CBR4: variants seen among roughly 807,000 people sequenced by gnomAD.
CBR4 encodes the protein carbonyl reductase 4.
CBR4 carries 22 observed loss-of-function variants against 21.0 expected under a neutral mutation model. The observed-to-expected ratio is 1.05, with a 90% CI of 0.75 to 1.50. CBR4 has a LOEUF of 1.50. Ranked by LOEUF, CBR4 falls within the 40% of genes most tolerant of loss-of-function variation. CBR4 has a pLI of 0.00. For synonymous variants in CBR4, 100 were observed against 104.4 expected (o/e 0.96, Z 0.26); for missense variants, 302 against 286.3 (o/e 1.05, Z -0.40).
intron 2 of CBR4, among the ~76,000 whole-genome samples, chr4:168,967,831 C>T (rs1004025847): frequency 2.0e-5 from 3 of 152,130 alleles, no homozygotes; most frequent in South Asian, 2.1e-4. Flanking sequence ...TAATAATAGA[C>T]ACATTTCAAA....
At chr4:168,951,448 T>C (rs1360719326) in intron 2 of CBR4, among the ~76,000 whole-genome samples, 3 of 152,240 alleles carry the variant, frequency 2.0e-5, no homozygotes, top group South Asian at 2.1e-4. Context: ...ATGCTATTTG[T>C]TGCCTGTGTA....
chr4:168,973,258 C>T (rs1764265020), intron 2 of CBR4, among the ~76,000 whole-genome samples: 1 of 151,972 alleles, frequency 6.6e-6, no homozygotes, highest in African/African-American at 2.4e-5. Context: ...ATGTTCCTTC[C>T]TAGTTTTGGT....
intron 2 of CBR4, chr4:168,904,097 C>T: frequency 1.6e-6 from 1 of 610,628 alleles, no homozygotes; most frequent in East Asian, 2.9e-5. Flanking sequence ...TTATTTATTC[C>T]ATCAGGTGTT....
chr4:168,898,438 G>C, intron 2 of CBR4: 2 of 1,124,650 alleles, frequency 1.8e-6, no homozygotes, highest in Non-Finnish European at 2.7e-6. Context: ...AGGGAGAGAC[G>C]TGACACTTTG....
At chr4:168,895,490 A>G (rs1754922980) in intron 2 of CBR4, among the ~76,000 whole-genome samples, 1 of 152,256 alleles carries the variant, frequency 6.6e-6, no homozygotes, top group South Asian at 2.1e-4. Context: ...GTTGATTAAC[A>G]CGTATTCTGT....
At chr4:168,919,027 A>G (rs1420783960) in intron 2 of CBR4, among the ~76,000 whole-genome samples, 1 of 152,158 alleles carries the variant, frequency 6.6e-6, no homozygotes, top group Non-Finnish European at 1.5e-5. Context: ...AAAAAATAAG[A>G]GAGTGACTAA....
intron 2 of CBR4, among the ~76,000 whole-genome samples, chr4:168,936,780 C>T (rs146711083): frequency 1.5e-4 from 23 of 152,142 alleles, no homozygotes; most frequent in African/African-American, 5.1e-4. Flanking sequence ...AATTAGGGAA[C>T]TAATGTGAAA....
In CBR4 at chr4:168,988,390, T is replaced by C; in HGVS notation, c.*1760A>G. 3 of 985,478 alleles carry C rather than the reference T, an allele frequency of 3.0e-6. No individual in the cohort carries two copies. The highest frequency in any genetic ancestry group is 3.6e-6 in the Non-Finnish European group (3 of 829,946). The allele number at this position is 985,478 out of a possible 1,614,324, so 61.0% of individuals were successfully genotyped here. A position where few individuals can be genotyped will look rare whatever the true frequency, so the allele number is the denominator to read the frequency against. On this transcript the variant is annotated 3_prime_UTR_variant, in exon 5 of 5. Coordinates refer to ENST00000306193, the MANE Select transcript of CBR4 (RefSeq NM_032783.5). ...TTAATGTCAGCAAAACATACTGCTT[T>C]CTACCCAAATCACCAATTGAATCAG...
At chr4:168,972,985 A>C (rs1764257407) in intron 2 of CBR4, among the ~76,000 whole-genome samples, 1 of 152,222 alleles carries the variant, frequency 6.6e-6, no homozygotes, top group Non-Finnish European at 1.5e-5. Flanking sequence ...TTACTCATAA[A>C]AAGCTGCTGG....
At chr4:168,911,792 T>C (rs777066089) in intron 2 of CBR4, among the ~76,000 whole-genome samples, 34 of 152,246 alleles carry the variant, frequency 2.2e-4, no homozygotes, top group Non-Finnish European at 4.7e-4. Flanking sequence ...TCCTTCATAA[T>C]GTTAGACTTC....
chr4:168,908,629 A>G (rs1758300787), intron 2 of CBR4, among the ~76,000 whole-genome samples: 2 of 152,310 alleles, frequency 1.3e-5, no homozygotes, highest in African/African-American at 2.4e-5. Flanking sequence ...TTGAAATTTT[A>G]AAGTTATTTG....
intron 2 of CBR4, among the ~76,000 whole-genome samples, chr4:168,931,357 A>G (rs956265082): frequency 6.6e-6 from 1 of 152,104 alleles, no homozygotes; most frequent in African/African-American, 2.4e-5. Context: ...GAAACAGTCC[A>G]GTGGGCCCAA....
At chr4:168,907,461 A>T (rs1188738945) in intron 2 of CBR4, among the ~76,000 whole-genome samples, 1 of 152,204 alleles carries the variant, frequency 6.6e-6, no homozygotes, top group Admixed American at 6.5e-5. Flanking sequence ...CTTAGGCAGC[A>T]GATGTGGCTG....
intron 2 of CBR4, among the ~76,000 whole-genome samples, chr4:168,972,361 T>A (rs957498141): frequency 1.8e-4 from 27 of 152,346 alleles, no homozygotes; most frequent in Middle Eastern, 6.8e-3. Flanking sequence ...ACTTATAGAT[T>A]GCTTTTGGCA....
intron 2 of CBR4, among the ~76,000 whole-genome samples, chr4:168,982,290 T>G (rs1000919710): frequency 6.6e-6 from 1 of 151,964 alleles, no homozygotes; most frequent in Non-Finnish European, 1.5e-5. Flanking sequence ...AAAACCAACT[T>G]TAAACCAACA....
At chr4:168,973,689 T>C (rs1186310438) in intron 2 of CBR4, among the ~76,000 whole-genome samples, 1 of 152,234 alleles carries the variant, frequency 6.6e-6, no homozygotes, top group Non-Finnish European at 1.5e-5. Flanking sequence ...TAGCCTTTCA[T>C]TGTTGGCGAT....
intron 2 of CBR4, among the ~76,000 whole-genome samples, chr4:168,904,806 A>G: frequency 6.6e-6 from 1 of 152,310 alleles, no homozygotes; most frequent in East Asian, 1.9e-4. Context: ...CTATATAAAT[A>G]ATTTTAATGA....
rs533997491 is a variant in CBR4 at position 169,004,849 on chromosome 4, C to T, written c.400+1906G>A. The stretch of plus-strand genomic sequence containing the variant: ...CCTACTGAAGATTCTTGAGTGACCA[C>T]ATCTAATGAATATGTAATAATAATT... On this transcript the variant is annotated intron_variant, in intron 3 of 4. Transcript: ENST00000306193. 3.6e-3 allele frequency among the ~76,000 whole-genome samples: 550 copies of T among 152,230 alleles called. 2 individuals carry two copies. The highest frequency in any genetic ancestry group is 6.2e-3 in the Non-Finnish European group (423 of 68,026).
chr4:168,998,665 A>G (rs995416882), intron 4 of CBR4, among the ~76,000 whole-genome samples: 5 of 152,160 alleles, frequency 3.3e-5, no homozygotes, highest in Non-Finnish European at 7.4e-5. Flanking sequence ...TAAACTTTAA[A>G]TGGGTGAATT....
Sources: gnomAD v4.1 joint callset for allele counts (sites outside exome capture counted in the v4.1 genomes callset) on GRCh38, gnomAD v4.1.1 for gene constraint, MANE v1.5 for transcripts, NCBI Gene and HGNC (gene_info 2026-07-23, HGNC 2026-07-21) for gene names.